MYPN: variants seen among roughly 807,000 people sequenced by gnomAD.
The protein encoded by MYPN is myopalladin, also known as sarcomeric protein myopalladin, 145 kDa (MYOP).
A neutral mutation model predicts 129.4 loss-of-function variants in MYPN; 63 were observed. The observed-to-expected ratio is 0.49, with a 90% CI of 0.40 to 0.60. The LOEUF is 0.60. Ranked by LOEUF, MYPN falls within the 20% of genes least tolerant of loss-of-function variation. The pLI is 0.00. For synonymous variants in MYPN, 629 were observed against 600.9 expected (o/e 1.05, Z -0.68); for missense variants, 1,596 against 1,635.4 (o/e 0.98, Z 0.42).
chr10:68,201,275 A>G (rs2043705508), intron 17 of MYPN, among the ~76,000 whole-genome samples: 1 of 152,160 alleles, frequency 6.6e-6, no homozygotes, highest in Non-Finnish European at 1.5e-5. Context: ...CTCTCGTGGG[A>G]TGTGCAGAGA....
At chr10:68,148,310 G>A in intron 4 of MYPN, 43 bp from the exon 5 acceptor site, 12 of 1,432,598 alleles carry the variant, frequency 8.4e-6, no homozygotes, top group Non-Finnish European at 1.1e-5. Context: ...TTCACAAAGA[G>A]TGATAGGTCT....
chr10:68,127,314 T>C lies in MYPN; in HGVS notation c.902+4974T>C, dbSNP rs564204442. On this transcript the variant is annotated intron_variant, in intron 2 of 19. Coordinates refer to ENST00000358913, the MANE Select transcript of MYPN (RefSeq NM_032578.4). ...GCTACCATGCCCAGCCTGGGACACA[T>C]ATATCTTTTTTTTTTTTTTTTTTTT... Among the ~76,000 whole-genome samples the C allele has an allele frequency of 2.8e-3, 381 of 136,934 alleles. 4 individuals are homozygous for C. The highest frequency in any genetic ancestry group is 9.7e-3 in the African/African-American group (358 of 37,054). 89.8% of individuals were successfully genotyped at this position (136,934 alleles called of 152,430 possible).
intron 7 of MYPN, among the ~76,000 whole-genome samples, chr10:68,161,157 C>T (rs548257876): frequency 6.6e-6 from 1 of 152,238 alleles, no homozygotes; most frequent in African/African-American, 2.4e-5. Context: ...TTATGTATCC[C>T]AAGTGAAACC....
At chr10:68,175,677 A>G (rs2043217428) in intron 12 of MYPN, among the ~76,000 whole-genome samples, 1 of 152,274 alleles carries the variant, frequency 6.6e-6, no homozygotes, top group African/African-American at 2.4e-5. Context: ...ACTTGTTTAC[A>G]TGTATTTACC....
intron 17 of MYPN, among the ~76,000 whole-genome samples, 188 bp from the exon 18 acceptor site, chr10:68,201,641 G>A (rs528182287): frequency 1.1e-4 from 16 of 152,116 alleles, no homozygotes; most frequent in East Asian, 3.9e-4. Flanking sequence ...GGCGGTGCAC[G>A]CCTGTAATCC....
At chr10:68,129,183 G>T (rs2042372143) in intron 2 of MYPN, among the ~76,000 whole-genome samples, 1 of 152,118 alleles carries the variant, frequency 6.6e-6, no homozygotes, top group Admixed American at 6.6e-5. Flanking sequence ...TAGGGAAGAG[G>T]CTCGGCCGTC....
intron 1 of MYPN, among the ~76,000 whole-genome samples, chr10:68,089,218 G>C (rs539424103): frequency 3.9e-5 from 6 of 152,248 alleles, no homozygotes; most frequent in African/African-American, 9.6e-5. Flanking sequence ...TTTTAGTAGA[G>C]ACAGGGTTTT....
chr10:68,202,441 G>GA lies in MYPN; in HGVS notation c.3659+457dup, dbSNP rs56044056. Among the ~76,000 whole-genome samples the GA allele has an allele frequency of 4.6e-3, 676 of 146,980 alleles. 7 individuals are homozygous for GA. Among genetic ancestry groups the GA allele is most frequent in the African/African-American group, 0.016 (632 of 40,124 alleles). On this transcript the variant is annotated intron_variant, in intron 18 of 19. Coordinates refer to ENST00000358913, the MANE Select transcript of MYPN (RefSeq NM_032578.4). The stretch of plus-strand genomic sequence containing the variant: ...GAGTGAGACTCCGTCTCAAAAAAAA[G>GA]AAAAAAAAAAGTACAAGGAATTTAT...
At chr10:68,140,367 G>C (rs2042557402) in intron 2 of MYPN, among the ~76,000 whole-genome samples, 1 of 152,156 alleles carries the variant, frequency 6.6e-6, no homozygotes, top group South Asian at 2.1e-4. Context: ...AGGCACTGTG[G>C]ATGCTTGCAA....
chr10:68,133,217 G>C (rs1484008584), intron 2 of MYPN, among the ~76,000 whole-genome samples: 2 of 151,928 alleles, frequency 1.3e-5, no homozygotes, highest in African/African-American at 4.8e-5. Flanking sequence ...GTAGAGACGG[G>C]TTCTGCCATA....
At chr10:68,142,874 T>G in intron 2 of MYPN, 66 bp from the exon 3 acceptor site, 1 of 1,425,030 alleles carries the variant, frequency 7.0e-7, no homozygotes, top group Non-Finnish European at 9.9e-7. Context: ...AGAGAATATC[T>G]GGAGCTGTCT....
chr10:68,108,790 C>T (rs1273280382), upstream of MYPN, among the ~76,000 whole-genome samples: 1 of 152,046 alleles, frequency 6.6e-6, no homozygotes, highest in Non-Finnish European at 1.5e-5. Flanking sequence ...AGCGTGATCT[C>T]GGCTCACCGC....
chr10:68,096,961 G>A (rs796317847), intron 1 of MYPN, among the ~76,000 whole-genome samples: 16 of 152,272 alleles, frequency 1.1e-4, no homozygotes, highest in African/African-American at 3.9e-4. Context: ...GCATAAACTG[G>A]ATATACTGCT....
chr10:68,117,170 G>A (rs950597497), intron 1 of MYPN, among the ~76,000 whole-genome samples: 2 of 151,150 alleles, frequency 1.3e-5, no homozygotes, highest in East Asian at 1.9e-4. Flanking sequence ...GTTGCAGTGA[G>A]CCGACATCGC....
intron 1 of MYPN, among the ~76,000 whole-genome samples, chr10:68,091,829 G>T (rs2041932593): frequency 6.7e-6 from 1 of 148,580 alleles, no homozygotes; most frequent in African/African-American, 2.5e-5. Context: ...ACTTTTATTA[G>T]AACTTTTTTT....
intron 2 of MYPN, among the ~76,000 whole-genome samples, chr10:68,129,607 G>A (rs894515015): frequency 2.6e-5 from 4 of 152,084 alleles, no homozygotes; most frequent in African/African-American, 7.2e-5. Context: ...AAAATTGCTG[G>A]CAGACTATGT....
chr10:68,204,576 G>A (rs1169652185), intron 18 of MYPN, among the ~76,000 whole-genome samples: 1 of 152,042 alleles, frequency 6.6e-6, no homozygotes, highest in Non-Finnish European at 1.5e-5. Flanking sequence ...AAATTAGCCA[G>A]GCATGGTGGC....
intron 12 of MYPN, among the ~76,000 whole-genome samples, chr10:68,182,804 G>A (rs919125432): frequency 2.0e-5 from 3 of 151,920 alleles, no homozygotes; most frequent in Non-Finnish European, 2.9e-5. Context: ...CACCACGCCC[G>A]GTCTCTAATA....
At chr10:68,120,554 T>C (rs1027471492) in intron 1 of MYPN, among the ~76,000 whole-genome samples, 1 of 152,152 alleles carries the variant, frequency 6.6e-6, no homozygotes, top group Non-Finnish European at 1.5e-5. Flanking sequence ...CAAGAACAGG[T>C]TGAGCCTAAT....
Sources: allele counts gnomAD v4.1 joint callset (sites outside exome capture counted in the v4.1 genomes callset), GRCh38; gene constraint gnomAD v4.1.1; transcripts MANE v1.5; gene names NCBI Gene and HGNC (gene_info 2026-07-23, HGNC 2026-07-21).